Variants in TUBA3C observed in about 807,000 individuals in gnomAD.
TUBA3C encodes tubulin alpha-3C chain.
Under a neutral mutation model 33.4 loss-of-function variants are expected in TUBA3C, and 23 were observed. The ratio of observed to expected loss-of-function variants is 0.69; its 90% CI spans 0.50 to 0.98. The LOEUF (loss-of-function observed/expected upper bound fraction) is 0.98, where lower values mean the gene tolerates loss of function less well. TUBA3C is among the 50% of genes least tolerant of loss of function. The pLI is 0.00. For missense variants in TUBA3C, 402 were observed against 616.0 expected (o/e 0.65, Z 3.68); for synonymous variants, 269 against 250.4 (o/e 1.07, Z -0.70).
chr13:19,174,304 GC>G, intron 4 of TUBA3C, 145 bp from the exon 5 acceptor site: 1 of 1,270,366 alleles, frequency 7.9e-7, no homozygotes, highest in Non-Finnish European at 1.1e-6. Context: ...CCTTCTCTGT[GC>G]CAGGCAGGGT....
At chr13:19,181,521 C>T (rs531618700) in intron 1 of TUBA3C, among the ~76,000 whole-genome samples, 4 of 152,272 alleles carry the variant, frequency 2.6e-5, no homozygotes, top group South Asian at 4.2e-4. Context: ...GACTCAAGGC[C>T]GGCAGCTTCG....
chr13:19,178,490 G>C, intron 2 of TUBA3C, 96 bp from the exon 3 acceptor site: 1 of 1,508,368 alleles, frequency 6.6e-7, no homozygotes. Context: ...AGTACATGCT[G>C]TTCAAAGTAC....
chr13:19,178,467 T>C (rs367642496), intron 2 of TUBA3C, 73 bp from the exon 3 acceptor site: 1 of 1,571,338 alleles, frequency 6.4e-7, no homozygotes. Context: ...TCCAGGACTG[T>C]TCACTTCTAC....
rs769324083 is a variant in TUBA3C, at chr13:19,173,854, A to G, written c.*9T>C. ...GGCAGTGGAGTGGAGAACCCACCAC[A>G]CCCTCCCCTCAGTATTCTTCACCTT... On this transcript the variant is annotated 3_prime_UTR_variant, in exon 5 of 5. Transcript: ENST00000400113. The G allele has an allele frequency of 3.1e-6, 5 of 1,606,954 alleles. No homozygotes were observed. Among genetic ancestry groups the G allele is most frequent in the Non-Finnish European group, 4.3e-6 (5 of 1,175,924 alleles).
chr13:19,179,649 TATATAC>T, intron 1 of TUBA3C, 86 bp from the exon 2 acceptor site: 5 of 1,440,036 alleles, frequency 3.5e-6, no homozygotes, highest in Non-Finnish European at 4.6e-6. Flanking sequence ...ATTTAATATT[TATATAC>T]TGCTTCAGTA....
intron 4 of TUBA3C, among the ~76,000 whole-genome samples, chr13:19,176,052 A>G (rs1869168688): frequency 6.6e-6 from 1 of 151,874 alleles, no homozygotes; most frequent in African/African-American, 2.4e-5. Flanking sequence ...CAATTTTTGT[A>G]TTTTTAGTGG....
Position 19,174,123 on chromosome 13 carries a change from C to G in TUBA3C, c.1093G>C (p.Gly365Arg). The G allele has an allele frequency of 1.9e-6, 3 of 1,613,732 alleles. No individual in the cohort carries two copies. The highest frequency in any genetic ancestry group is 2.5e-6 in the Non-Finnish European group (3 of 1,179,814). Residue 365 changes from glycine (G) to arginine (R), a missense_variant, in exon 5 of 5, where the codon GGG becomes CGG. Gly to Arg is a moderately radical substitution (Grantham distance 125, BLOSUM62 -2). Coordinates refer to ENST00000400113, the MANE Select transcript of TUBA3C (RefSeq NM_006001.3). ...INYQPPTVVP[G>R]GDLAKVQRAV... The stretch of plus-strand genomic sequence containing the variant: ...CGCTGCACCTTGGCCAGGTCTCCCC[C>G]AGGGACCACCGTGGGGGGCTGGTAG...
At chr13:19,180,588 G>A (rs1056960324) in intron 1 of TUBA3C, among the ~76,000 whole-genome samples, 1 of 151,892 alleles carries the variant, frequency 6.6e-6, no homozygotes, top group Non-Finnish European at 1.5e-5. Context: ...TGCAGCCTCT[G>A]CCTCCCGGGT....
In TUBA3C at chr13:19,177,380, G is replaced by T. The variant is rs1869232873; in HGVS notation, c.603C>A (p.Ala201=). 2 of 1,614,164 alleles carry T rather than the reference G, an allele frequency of 1.2e-6. No homozygotes were observed. The highest frequency in any genetic ancestry group is 1.7e-6 in the Non-Finnish European group (2 of 1,180,026). Residue 201 remains alanine, a synonymous_variant, in exon 4 of 5, where the codon GCC becomes GCA. Coordinates refer to ENST00000400113, the MANE Select transcript of TUBA3C (RefSeq NM_006001.3). The surrounding 1 kb of genome is among the most constrained non-coding windows in gnomAD (Gnocchi z 5.0). ...THTTLEHSDC[A]FMVDNEAIYD... is the part of the protein sequence containing the mutation. ...AGATGGCTTCATTGTCGACCATGAAGGCACAGTCAGAATGTTCCAGGGTCG... is the reference window on the plus strand; with the variant it reads ...AGATGGCTTCATTGTCGACCATGAATGCACAGTCAGAATGTTCCAGGGTCG...
intron 1 of TUBA3C, among the ~76,000 whole-genome samples, chr13:19,181,441 C>T (rs1869413714): frequency 6.6e-6 from 1 of 152,188 alleles, no homozygotes; most frequent in Non-Finnish European, 1.5e-5. Context: ...CAGCGCCCTT[C>T]TGTCTTCAGG....
At chr13:19,179,252 G>A (rs2138957937) in intron 2 of TUBA3C, 89 bp downstream of exon 2, 2 of 1,559,106 alleles carry the variant, frequency 1.3e-6, no homozygotes, top group Non-Finnish European at 1.7e-6. Flanking sequence ...ACCTTCTGCA[G>A]GAGGATTCAA....
At chr13:19,180,974 A>G (rs1354839919) in intron 1 of TUBA3C, among the ~76,000 whole-genome samples, 2 of 151,840 alleles carry the variant, frequency 1.3e-5, no homozygotes, top group African/African-American at 4.8e-5. Flanking sequence ...AAAAAAAAAA[A>G]AAAAGATACT....
At position 19,178,400 on chromosome 13, in the gene TUBA3C, A is replaced by G. The variant is rs1361140345; in HGVS notation, c.227-6T>C. 16 of 1,442,880 alleles carry G rather than the reference A, an allele frequency of 1.1e-5. No homozygotes were observed. The highest frequency in any genetic ancestry group is 1.5e-5 in the Non-Finnish European group (16 of 1,034,548). The allele number at this position is 1,442,880 out of a possible 1,614,324, so 89.4% of individuals were successfully genotyped here. On this transcript the variant is annotated splice_polypyrimidine_tract_variant and splice_region_variant and intron_variant, in intron 2 of 4. Transcript: ENST00000400113. Reference sequence around the variant, plus strand: ...GGTTCCTGTGCGCACTTCATCTACAAAAGAGACCGTATGTACTGTGAATCT... The same window carrying G: ...GGTTCCTGTGCGCACTTCATCTACAGAAGAGACCGTATGTACTGTGAATCT...
At chr13:19,178,426 T>G (rs778638935) in intron 2 of TUBA3C, 32 bp from the exon 3 acceptor site, 15 of 1,612,664 alleles carry the variant, frequency 9.3e-6, no homozygotes, top group Non-Finnish European at 1.3e-5. Context: ...CTGTGAATCT[T>G]TAAGGCCTAT....
intron 1 of TUBA3C, 124 bp from the exon 2 acceptor site, chr13:19,179,687 A>G (rs1458388990): frequency 3.7e-6 from 5 of 1,342,336 alleles, no homozygotes; most frequent in East Asian, 5.1e-5. Flanking sequence ...CACAATTGAT[A>G]TTTCCTAGGA....
intron 4 of TUBA3C, among the ~76,000 whole-genome samples, chr13:19,175,746 C>A (rs766937600): frequency 1.2e-4 from 19 of 152,182 alleles, no homozygotes; most frequent in Non-Finnish European, 1.8e-4. Flanking sequence ...ATGATCTTGT[C>A]TTTTTTTCTT....
In TUBA3C at chr13:19,177,507, A is replaced by C; in HGVS notation, c.476T>G (p.Val159Gly). Residue 159 changes from valine to glycine, a missense_variant, in exon 4 of 5, where the codon GTG becomes GGG. Coordinates refer to ENST00000400113, the MANE Select transcript of TUBA3C (RefSeq NM_006001.3). The surrounding 1 kb of genome is among the most constrained non-coding windows in gnomAD (Gnocchi z 5.0). ...TAGCTTGGACTTCTTGCCGTAATCC[A>C]CTGAGAGCCGCTCCATGAGCAGAGA... ...FASLLMERLS[V>G]DYGKKSKLEF... 1 of 1,614,058 alleles carries C rather than the reference A, an allele frequency of 6.2e-7. No individual in the cohort carries two copies. Among genetic ancestry groups the C allele is most frequent in the Non-Finnish European group, 8.5e-7 (1 of 1,180,024 alleles).
At chr13:19,178,850 G>T (rs1869295787) in intron 2 of TUBA3C, among the ~76,000 whole-genome samples, 1 of 152,174 alleles carries the variant, frequency 6.6e-6, no homozygotes, top group African/African-American at 2.4e-5. Flanking sequence ...GCTTTCAGGT[G>T]ACACTGTCAT....
intron 4 of TUBA3C, among the ~76,000 whole-genome samples, chr13:19,176,709 A>C (rs985877191): frequency 1.5e-5 from 2 of 136,560 alleles, no homozygotes; most frequent in Non-Finnish European, 1.6e-5. Flanking sequence ...CTGGGCGACA[A>C]AGCTAGACTC....
Sources: allele counts gnomAD v4.1 joint callset (sites outside exome capture counted in the v4.1 genomes callset), GRCh38; gene constraint gnomAD v4.1.1; non-coding constraint Gnocchi (gnomAD v3.1); transcripts MANE v1.5; gene names NCBI Gene and HGNC (gene_info 2026-07-23, HGNC 2026-07-21).